Variants in COL15A1 observed in about 807,000 individuals in gnomAD.
COL15A1 encodes the protein collagen type XV alpha 1 chain.
In COL15A1, 111 loss-of-function variants were observed where a neutral mutation model predicts 165.9. The ratio of observed to expected loss-of-function variants is 0.67; its 90% CI spans 0.57 to 0.78. COL15A1 has a LOEUF of 0.78. COL15A1 is among the 30% of genes least tolerant of loss of function. The pLI is 0.00. For missense variants in COL15A1, 1,745 were observed against 1,789.7 expected (o/e 0.98, Z 0.45); for synonymous variants, 659 against 674.8 (o/e 0.98, Z 0.36).
At chr9:99,007,008 C>A (rs933643639) in intron 9 of COL15A1, among the ~76,000 whole-genome samples, 12 of 152,260 alleles carry the variant, frequency 7.9e-5, no homozygotes, top group African/African-American at 2.9e-4. Flanking sequence ...TGGTTTTGTG[C>A]ATTTTAGGGA....
At chr9:98,989,503 CA>C (rs1218207482) in intron 5 of COL15A1, among the ~76,000 whole-genome samples, 1 of 152,242 alleles carries the variant, frequency 6.6e-6, no homozygotes, top group Non-Finnish European at 1.5e-5. Context: ...CTGTCAAGGG[CA>C]AACGCTGTGC....
At chr9:98,950,802 A>G (rs998772041) in intron 2 of COL15A1, among the ~76,000 whole-genome samples, 2 of 151,852 alleles carry the variant, frequency 1.3e-5, no homozygotes, top group Non-Finnish European at 2.9e-5. Flanking sequence ...ATACAGTTTC[A>G]CCATATTGGT....
chr9:99,069,165 A>G (rs1825942420), intron 41 of COL15A1, among the ~76,000 whole-genome samples: 1 of 152,208 alleles, frequency 6.6e-6, no homozygotes, highest in South Asian at 2.1e-4. Context: ...AGGCACAATA[A>G]TAAACCCACA....
At chr9:98,971,049 G>T (rs1838041796) in intron 2 of COL15A1, among the ~76,000 whole-genome samples, 1 of 152,146 alleles carries the variant, frequency 6.6e-6, no homozygotes, top group African/African-American at 2.4e-5. Flanking sequence ...GTGTTAGGGG[G>T]CCAAGGGGCA....
chr9:99,024,282 TTTG>T lies in COL15A1; in HGVS notation c.1855-589_1855-587del, dbSNP rs1564064426. 5.2e-3 allele frequency among the ~76,000 whole-genome samples: 713 copies of T among 136,078 alleles called. 64 individuals are homozygous for T. The highest frequency in any genetic ancestry group is 0.019 in the African/African-American group (662 of 34,658). 89.3% of individuals were successfully genotyped at this position (136,078 alleles called of 152,430 possible). On this transcript the variant is annotated intron_variant, in intron 14 of 41. Transcript: ENST00000375001. ...CACCACAAGCAGTTTTTTTTGTTTT[TTTG>T]TTTTTTTTTTTTTGAGATGGAGTCT... is the stretch of plus-strand genomic sequence containing the variant.
chr9:99,024,425 C>T (rs1839087103), intron 14 of COL15A1, among the ~76,000 whole-genome samples: 1 of 151,918 alleles, frequency 6.6e-6, no homozygotes, highest in Non-Finnish European at 1.5e-5. Context: ...GCTGGGACTA[C>T]AGGTGCCGGC....
intron 34 of COL15A1, among the ~76,000 whole-genome samples, chr9:99,056,005 G>A (rs1248248503): frequency 6.6e-6 from 1 of 152,190 alleles, no homozygotes; most frequent in African/African-American, 2.4e-5. Flanking sequence ...GAAATGCAAA[G>A]GCTAGACTAG....
chr9:98,945,717 AT>A (rs1364807546), intron 2 of COL15A1, among the ~76,000 whole-genome samples: 1 of 152,228 alleles, frequency 6.6e-6, no homozygotes, highest in African/African-American at 2.4e-5. Flanking sequence ...TCTCAGCCCC[AT>A]GGCTCATGTC....
chr9:99,052,513 C>A, intron 31 of COL15A1, 80 bp downstream of exon 31: 1 of 1,182,064 alleles, frequency 8.5e-7, no homozygotes, highest in Non-Finnish European at 1.3e-6. Context: ...CAGTGCAGGG[C>A]GCAGACTAGG....
intron 2 of COL15A1, among the ~76,000 whole-genome samples, chr9:98,984,906 C>T (rs1482474208): frequency 6.6e-6 from 1 of 152,220 alleles, no homozygotes; most frequent in Non-Finnish European, 1.5e-5. Flanking sequence ...ATTCTGCTGC[C>T]TCAGTCTCCC....
Position 99,042,029 on chromosome 9 carries a change from T to A in COL15A1, c.2512-16T>A, listed in dbSNP as rs764474105. 12 of 1,572,040 alleles carry A rather than the reference T, an allele frequency of 7.6e-6. No homozygotes were observed. In the South Asian group the frequency reaches 1.1e-4, roughly 15 times the overall value. On this transcript the variant is annotated splice_polypyrimidine_tract_variant and intron_variant, in intron 23 of 41. Coordinates refer to ENST00000375001, the MANE Select transcript of COL15A1 (RefSeq NM_001855.5). ...TCTTAACGAACAACCAAATACTATA[T>A]AACAATTCCTTCCAGGGTCCTAGAG... is the stretch of plus-strand genomic sequence containing the variant.
chr9:98,980,837 G>A (rs752098194), intron 2 of COL15A1, among the ~76,000 whole-genome samples: 5 of 152,222 alleles, frequency 3.3e-5, no homozygotes, highest in South Asian at 2.1e-4. Context: ...GAAAAGCCCC[G>A]TGGACCTCTC....
chr9:98,947,809 G>A (rs1048158995), intron 2 of COL15A1, among the ~76,000 whole-genome samples: 48 of 152,136 alleles, frequency 3.2e-4, no homozygotes, highest in Non-Finnish European at 2.6e-4. Flanking sequence ...ACATGCATAT[G>A]GGTTTTTTGC....
rs147085668 is a variant in COL15A1, at chr9:98,985,800, C to T, written c.336C>T (p.Asp112=). The T allele has an allele frequency of 2.6e-4, 424 of 1,614,024 alleles. No homozygotes were observed. Among genetic ancestry groups the T allele is most frequent in the Non-Finnish European group, 1.6e-4 (190 of 1,180,040 alleles). ...GTGGCGTGCTCTTCGCCATCACTGACGCCTTCCAGAAGGTCATCTACCTGG... is the reference window on the plus strand; with the variant it reads ...GTGGCGTGCTCTTCGCCATCACTGATGCCTTCCAGAAGGTCATCTACCTGG... The part of the protein sequence containing the change: ...TRGGVLFAIT[D]AFQKVIYLGL... The change falls in exon 3 of 42, where the codon GAC becomes GAT. Residue 112 remains aspartate, a synonymous_variant. Transcript: ENST00000375001.
chr9:99,061,182 A>G (rs1232783243), intron 36 of COL15A1, among the ~76,000 whole-genome samples: 1 of 152,258 alleles, frequency 6.6e-6, no homozygotes, highest in African/African-American at 2.4e-5. Context: ...TGTCCTACAT[A>G]TGATGGAATT....
At chr9:99,013,963 G>A (rs553477934) in intron 9 of COL15A1, among the ~76,000 whole-genome samples, 6 of 149,182 alleles carry the variant, frequency 4.0e-5, no homozygotes, top group South Asian at 2.2e-4. Context: ...GATAGCAAAC[G>A]TGCATGTTGT....
At chr9:98,997,511 G>A (rs1389238331) in intron 6 of COL15A1, among the ~76,000 whole-genome samples, 1 of 152,180 alleles carries the variant, frequency 6.6e-6, no homozygotes, top group East Asian at 1.9e-4. Context: ...CTATTTTATA[G>A]GTGGAAAAAC....
Position 99,066,611 on chromosome 9 carries a change from T to TGTTTGTTTGTTTGTTTG in COL15A1, c.3652-271_3652-270insGTTTGTTTGTTTGTTTG, listed in dbSNP as rs1564098523. Among the ~76,000 whole-genome samples, 1,106 of 144,834 alleles carry TGTTTGTTTGTTTGTTTG rather than the reference T, an allele frequency of 7.6e-3. 23 individuals carry two copies. The highest frequency in any genetic ancestry group is 0.027 in the African/African-American group (1,060 of 39,602). On this transcript the variant is annotated intron_variant, in intron 39 of 41. Transcript: ENST00000375001. ...AATATTTTGTTCTGTTTTTTTTTTT[T>TGTTTGTTTGTTTGTTTG]TTTTTTTTTTTTTCACCTAAGGAAG...
intron 18 of COL15A1, 58 bp downstream of exon 18, chr9:99,035,212 G>C: frequency 6.3e-7 from 1 of 1,577,964 alleles, no homozygotes. Context: ...CTACTAGAAA[G>C]ACCAGCTAGC....
Sources: gnomAD v4.1 joint callset for allele counts (sites outside exome capture counted in the v4.1 genomes callset) on GRCh38, gnomAD v4.1.1 for gene constraint, MANE v1.5 for transcripts, NCBI Gene and HGNC (gene_info 2026-07-23, HGNC 2026-07-21) for gene names.